The following KCNJ6 variants were observed in gnomAD, a reference collection of about 807,000 sequenced individuals.
KCNJ6 encodes G protein-activated inward rectifier potassium channel 2.
In KCNJ6, 9 loss-of-function variants were observed where a neutral mutation model predicts 34.2. The ratio of observed to expected loss-of-function variants is 0.26; its 90% CI spans 0.16 to 0.46. The LOEUF is 0.46. Ranked by LOEUF, KCNJ6 falls within the 20% of genes least tolerant of loss-of-function variation. The pLI is 1.00. For synonymous variants in KCNJ6, 196 were observed against 207.1 expected, an observed-to-expected ratio of 0.95 and a Z score of 0.46; for missense variants, 236 against 531.3, an observed-to-expected ratio of 0.44 and a Z score of 5.46.
At chr21:37,838,283 G>T (rs2055461957) in intron 2 of KCNJ6, among the ~76,000 whole-genome samples, 1 of 152,162 alleles carries the variant, frequency 6.6e-6, no homozygotes, top group African/African-American at 2.4e-5. Context: ...TTATTTAAAT[G>T]TATCTGGAAA....
intron 2 of KCNJ6, among the ~76,000 whole-genome samples, chr21:37,784,337 C>A (rs2055183312): frequency 6.6e-6 from 1 of 152,226 alleles, no homozygotes; most frequent in Non-Finnish European, 1.5e-5. Flanking sequence ...GGCCTGGTTG[C>A]AAGACTGCTT....
intron 2 of KCNJ6, among the ~76,000 whole-genome samples, chr21:37,795,637 C>T (rs920465886): frequency 2.7e-5 from 4 of 150,614 alleles, no homozygotes; most frequent in South Asian, 2.1e-4. Flanking sequence ...CCCAGCTACT[C>T]GGGAGGCTGA....
intron 2 of KCNJ6, among the ~76,000 whole-genome samples, chr21:37,784,372 C>T (rs2055183444): frequency 6.6e-6 from 1 of 152,246 alleles, no homozygotes; most frequent in Non-Finnish European, 1.5e-5. Flanking sequence ...TCCCTGCCCT[C>T]AGCCAGACCG....
At chr21:37,664,277 C>T (rs1051484635) in intron 3 of KCNJ6, among the ~76,000 whole-genome samples, 5 of 151,936 alleles carry the variant, frequency 3.3e-5, no homozygotes, top group Admixed American at 3.3e-4. Context: ...GAAACACCCA[C>T]TTTAAGAAAT....
At chr21:37,768,253 CTG>C (rs1226653611) in intron 2 of KCNJ6, among the ~76,000 whole-genome samples, 1 of 152,082 alleles carries the variant, frequency 6.6e-6, no homozygotes, top group Non-Finnish European at 1.5e-5. Context: ...AGGCCATCTC[CTG>C]TGTGATATGG....
At chr21:37,830,070 GCAGTGGTATTTC>G (rs988881829) in intron 2 of KCNJ6, among the ~76,000 whole-genome samples, 2 of 152,160 alleles carry the variant, frequency 1.3e-5, no homozygotes, top group African/African-American at 4.8e-5. Context: ...AGTCCCCAAG[GCAGTGGTATTTC>G]CAACTCCCCG....
intron 2 of KCNJ6, among the ~76,000 whole-genome samples, chr21:37,800,122 G>A (rs1263691735): frequency 2.0e-5 from 3 of 152,176 alleles, no homozygotes; most frequent in Non-Finnish European, 2.9e-5. Context: ...TGGAAATGGA[G>A]CATTTATCAA....
chr21:37,675,464 G>A lies in KCNJ6; in HGVS notation c.946+38747C>T, dbSNP rs1369898664. On this transcript the variant is annotated intron_variant, in intron 3 of 3. Coordinates refer to ENST00000609713, the MANE Select transcript of KCNJ6 (RefSeq NM_002240.5). The surrounding 1 kb of genome is among the most constrained non-coding windows in gnomAD (Gnocchi z 4.2). ...GGTGCGGGTTTCTGGTGCGCTGACC[G>A]CGCTGGGGATGAGCACCACTGTCAT... 2.0e-5 allele frequency among the ~76,000 whole-genome samples: 3 copies of A among 152,162 alleles called. No individual in the cohort carries two copies. Among genetic ancestry groups the A allele is most frequent in the African/African-American group, 4.8e-5 (2 of 41,418 alleles).
intron 3 of KCNJ6, among the ~76,000 whole-genome samples, chr21:37,712,407 G>C (rs1002972037): frequency 1.3e-5 from 2 of 151,790 alleles, no homozygotes; most frequent in Non-Finnish European, 2.9e-5. Flanking sequence ...GTAGGAAAGT[G>C]ACAGCTCCCT....
intron 1 of KCNJ6, among the ~76,000 whole-genome samples, chr21:37,856,843 A>G (rs950245202): frequency 2.0e-5 from 3 of 152,064 alleles, no homozygotes; most frequent in Non-Finnish European, 4.4e-5. Flanking sequence ...GGGAAGTTGT[A>G]TGGTTTGGGT....
intron 2 of KCNJ6, among the ~76,000 whole-genome samples, chr21:37,754,930 C>CGG (rs1024692287): frequency 1.3e-5 from 2 of 152,090 alleles, no homozygotes; most frequent in Admixed American, 1.3e-4. Context: ...GACAGAAAGC[C>CGG]GGAGAGGTAT....
intron 2 of KCNJ6, among the ~76,000 whole-genome samples, chr21:37,796,617 C>G (rs953479157): frequency 6.6e-6 from 1 of 152,040 alleles, no homozygotes; most frequent in Non-Finnish European, 1.5e-5. Flanking sequence ...GAGTGGGACC[C>G]TCCCCTCATT....
At chr21:37,658,511 A>G (rs1039084298) in intron 3 of KCNJ6, among the ~76,000 whole-genome samples, 5 of 152,246 alleles carry the variant, frequency 3.3e-5, no homozygotes, top group African/African-American at 1.2e-4. Flanking sequence ...AGATTTAGAA[A>G]GCCCCGAAGA....
intron 3 of KCNJ6, among the ~76,000 whole-genome samples, chr21:37,634,776 T>C (rs974756419): frequency 3.7e-5 from 5 of 135,134 alleles, no homozygotes; most frequent in Admixed American, 2.3e-4. Context: ...TTTTTTTTTT[T>C]CAGACAGAGT....
chr21:37,711,279 C>T (rs754655161), intron 3 of KCNJ6, among the ~76,000 whole-genome samples: 40 of 152,212 alleles, frequency 2.6e-4, no homozygotes, highest in Non-Finnish European at 3.5e-4. Context: ...CTCCGGTCTC[C>T]GGAAAACACC....
Position 37,620,633 on chromosome 21 carries a change from G to A in KCNJ6, c.*4526C>T, listed in dbSNP as rs1366427913. 6.6e-6 allele frequency: 1 copy of A among 151,968 alleles called. No homozygotes were observed. The highest frequency in any genetic ancestry group is 1.9e-4 in the East Asian group (1 of 5,184). The allele number at this position is 151,968 out of a possible 1,614,324, so 9.4% of individuals were successfully genotyped here. A position where few individuals can be genotyped will look rare whatever the true frequency, so the allele number is the denominator to read the frequency against. ...GCCCTGTGACCTGGATTTGAGACAAGGAGCTATGATTCACTGGCCTTTAAA... is the reference window on the plus strand; with the variant it reads ...GCCCTGTGACCTGGATTTGAGACAAAGAGCTATGATTCACTGGCCTTTAAA... On this transcript the variant is annotated 3_prime_UTR_variant, in exon 4 of 4. Coordinates refer to ENST00000609713, the MANE Select transcript of KCNJ6 (RefSeq NM_002240.5).
At chr21:37,762,350 A>C (rs1437207809) in intron 2 of KCNJ6, among the ~76,000 whole-genome samples, 2 of 152,182 alleles carry the variant, frequency 1.3e-5, no homozygotes, top group Non-Finnish European at 2.9e-5. Context: ...TCTAAGTTAC[A>C]GCCCTTTAGA....
intron 2 of KCNJ6, among the ~76,000 whole-genome samples, chr21:37,760,287 G>T (rs897940246): frequency 2.0e-5 from 3 of 152,210 alleles, no homozygotes; most frequent in Non-Finnish European, 4.4e-5. Context: ...ATGTTGAAAT[G>T]CTATGATTCC....
intron 1 of KCNJ6, among the ~76,000 whole-genome samples, chr21:37,860,026 G>A (rs1368623975): frequency 6.6e-6 from 1 of 152,056 alleles, no homozygotes. Context: ...GACACCCCGT[G>A]CCCTGGATGC....
Sources: gnomAD v4.1 joint callset for allele counts (sites outside exome capture counted in the v4.1 genomes callset) on GRCh38, gnomAD v4.1.1 for gene constraint, Gnocchi (gnomAD v3.1) non-coding constraint, MANE v1.5 for transcripts, NCBI Gene and HGNC (gene_info 2026-07-23, HGNC 2026-07-21) for gene names.